RNF19B: variants seen among roughly 807,000 people sequenced by gnomAD.
The protein encoded by RNF19B is ring finger protein 19B.
RNF19B carries 23 observed loss-of-function variants against 65.5 expected under a neutral mutation model. The observed-to-expected ratio is 0.35, with a 90% confidence interval of 0.25 to 0.50. RNF19B has a LOEUF of 0.50. RNF19B is among the 20% of genes least tolerant of loss of function. RNF19B has a pLI of 0.98. For missense variants in RNF19B, 794 were observed against 980.0 expected (o/e 0.81, Z 2.53); for synonymous variants, 372 against 379.6 (o/e 0.98, Z 0.23).
At chr1:32,961,399 T>A (rs1240784829) in intron 1 of RNF19B, among the ~76,000 whole-genome samples, 1 of 152,226 alleles carries the variant, frequency 6.6e-6, no homozygotes, top group Non-Finnish European at 1.5e-5. Context: ...TGGCATTGGT[T>A]GGAATTAAGA....
At chr1:32,942,011 C>A (rs146387555) in intron 7 of RNF19B, among the ~76,000 whole-genome samples, 1 of 151,958 alleles carries the variant, frequency 6.6e-6, no homozygotes, top group African/African-American at 2.4e-5. Flanking sequence ...GCAGGAGAAT[C>A]GCTTGAACCC....
intron 1 of RNF19B, among the ~76,000 whole-genome samples, chr1:32,950,780 G>A (rs1642476066): frequency 6.6e-6 from 1 of 151,212 alleles, no homozygotes; most frequent in Non-Finnish European, 1.5e-5. Context: ...CAATCAATCA[G>A]CCTGCCTCAG....
At chr1:32,934,993 A>G (rs189567930), downstream of RNF19B, among the ~76,000 whole-genome samples, 85 of 145,316 alleles carry the variant, frequency 5.8e-4, no homozygotes, top group Admixed American at 1.4e-3. Context: ...CACCACGCCC[A>G]GCTAATTTTT....
At chr1:32,932,992 A>T (rs879414465), downstream of RNF19B, among the ~76,000 whole-genome samples, 21 of 152,196 alleles carry the variant, frequency 1.4e-4, no homozygotes, top group Middle Eastern at 3.2e-3. Context: ...ATGGAACCTT[A>T]TCAAGGAGGA....
rs1393167871 is a variant in RNF19B at position 32,938,431 on chromosome 1, C to T, written c.1708G>A (p.Gly570Ser). 1 of 1,614,036 alleles carries T rather than the reference C, an allele frequency of 6.2e-7. No homozygotes were observed. Among genetic ancestry groups the T allele is most frequent in the Non-Finnish European group, 8.5e-7 (1 of 1,180,032 alleles). The stretch of plus-strand genomic sequence containing the variant: ...GGGTTGTAGGAACTGATTATGGAAC[C>T]GGCCATAGCACGAGTGCTTGCGTTG... ...SDNASTRAMAGSIISSYNPQD... is the reference protein window; with the variant it reads ...SDNASTRAMASSIISSYNPQD... The change falls in exon 8 of 9, where the codon GGT (glycine) becomes AGT (serine). Residue 570 changes from glycine to serine, a missense_variant. Gly to Ser is a moderately conservative substitution (Grantham distance 56). Coordinates refer to ENST00000235150, the MANE Select transcript of RNF19B (RefSeq NM_001300826.2).
At chr1:32,944,548 G>C (rs1642319590) in intron 5 of RNF19B, among the ~76,000 whole-genome samples, 1 of 152,144 alleles carries the variant, frequency 6.6e-6, no homozygotes, top group African/African-American at 2.4e-5. Flanking sequence ...ACTGCTTGGA[G>C]TTTAGGATCT....
chr1:32,930,809 C>A, the RNF19B span, among the ~76,000 whole-genome samples: 1 of 152,206 alleles, frequency 6.6e-6, no homozygotes, highest in Admixed American at 6.5e-5. Context: ...CATTCTTGGC[C>A]GGTCGCAGTG....
At chr1:32,938,006 G>T (rs747302267) in intron 8 of RNF19B, among the ~76,000 whole-genome samples, 1 of 151,888 alleles carries the variant, frequency 6.6e-6, no homozygotes, top group Non-Finnish European at 1.5e-5. Context: ...TTCTCAAAAT[G>T]AAAGAGAAAG....
intron 5 of RNF19B, among the ~76,000 whole-genome samples, 152 bp downstream of exon 5, chr1:32,945,360 CTT>C (rs2124133981): frequency 6.6e-6 from 1 of 152,262 alleles, no homozygotes; most frequent in South Asian, 2.1e-4. Flanking sequence ...GCTTGAAAAA[CTT>C]AAAAATAATC....
In RNF19B at chr1:32,942,158, T is replaced by A. The variant is rs1321491543; in HGVS notation, c.1610+94A>T. The A allele has an allele frequency of 4.1e-6, 4 of 980,210 alleles. No individual in the cohort carries two copies. The South Asian group carries it at 6.4e-5, about 16-fold the overall frequency. 60.7% of individuals were successfully genotyped at this position (980,210 alleles called of 1,614,324 possible). On this transcript the variant is annotated intron_variant, in intron 7 of 8. Coordinates refer to ENST00000235150, the MANE Select transcript of RNF19B (RefSeq NM_001300826.2). The stretch of plus-strand genomic sequence containing the variant: ...CATTGACAATTAAATCAAAATAAGA[T>A]GATACGTGGCACAAGCCTGGCACAG...
chr1:32,963,821 C>G (rs917051045), intron 1 of RNF19B, among the ~76,000 whole-genome samples: 1 of 152,254 alleles, frequency 6.6e-6, no homozygotes, highest in African/African-American at 2.4e-5. Context: ...ACTTGGACAG[C>G]TCCCTTCCCC....
At chr1:32,944,752 G>A (rs974586683) in intron 5 of RNF19B, among the ~76,000 whole-genome samples, 1 of 151,442 alleles carries the variant, frequency 6.6e-6, no homozygotes, top group African/African-American at 2.4e-5. Flanking sequence ...GCAGTGGCAC[G>A]ATCTCGGCTC....
At chr1:32,949,815 T>C (rs1281925469) in intron 1 of RNF19B, 41 bp from the exon 2 acceptor site, 2 of 1,478,294 alleles carry the variant, frequency 1.4e-6, no homozygotes, top group Non-Finnish European at 1.9e-6. Context: ...AAGGTAAGAA[T>C]GATCTAACCA....
At chr1:32,933,254 ATTATTT>A (rs1642049205), downstream of RNF19B, among the ~76,000 whole-genome samples, 1 of 137,066 alleles carries the variant, frequency 7.3e-6, no homozygotes, top group African/African-American at 2.7e-5. Context: ...AGCTATTATT[ATTATTT>A]TTTTTTTTTT....
Position 32,937,083 on chromosome 1 carries a change from C to A in RNF19B, c.1919G>T (p.Ser640Ile). Residue 640 changes from serine to isoleucine, a missense_variant, in exon 9 of 9, where the codon AGC becomes ATC. Physicochemically the swap from Ser to Ile is moderately radical, Grantham distance 142 (BLOSUM62 -2). Coordinates refer to ENST00000235150, the MANE Select transcript of RNF19B (RefSeq NM_001300826.2). ...GGCCAGGCAGTCTTTCTGTTCACAG[C>A]TTTGGTGTCTGCAGGGGGGATCCTC... is the stretch of plus-strand genomic sequence containing the variant. Reference protein sequence around the residue: ...SEEDPPCRHQSCEQKDCLASK... With the variant: ...SEEDPPCRHQICEQKDCLASK... 1 of 1,614,206 alleles carries A rather than the reference C, an allele frequency of 6.2e-7. No individual in the cohort carries two copies.
At chr1:32,938,298 G>T (rs1231976922) in intron 8 of RNF19B, 99 bp downstream of exon 8, 5 of 1,254,942 alleles carry the variant, frequency 4.0e-6, no homozygotes, top group Admixed American at 1.7e-5. Context: ...TATCCCAGGA[G>T]ATGGTACATA....
intron 1 of RNF19B, among the ~76,000 whole-genome samples, chr1:32,960,768 G>A (rs1047452616): frequency 2.0e-5 from 3 of 152,026 alleles, no homozygotes; most frequent in African/African-American, 4.8e-5. Flanking sequence ...AGGCCAAGGC[G>A]GGAAAACAGC....
At chr1:32,933,770 T>C (rs1642057638), downstream of RNF19B, among the ~76,000 whole-genome samples, 1 of 152,178 alleles carries the variant, frequency 6.6e-6, no homozygotes, top group Non-Finnish European at 1.5e-5. Flanking sequence ...CATGGGCCTT[T>C]ACCAAAAACA....
At chr1:32,958,882 C>G (rs1003551647) in intron 1 of RNF19B, among the ~76,000 whole-genome samples, 1 of 152,054 alleles carries the variant, frequency 6.6e-6, no homozygotes, top group Non-Finnish European at 1.5e-5. Flanking sequence ...AGTACAAGTA[C>G]TTTGGCAAAT....
Sources: allele counts gnomAD v4.1 joint callset (sites outside exome capture counted in the v4.1 genomes callset), GRCh38; gene constraint gnomAD v4.1.1; transcripts MANE v1.5; gene names NCBI Gene and HGNC (gene_info 2026-07-23, HGNC 2026-07-21).